The following CACNA1S variants were observed in gnomAD, a reference collection of about 807,000 sequenced individuals.
CACNA1S encodes the protein calcium voltage-gated channel subunit alpha1 S, also known as voltage-dependent L-type calcium channel subunit alpha-1S.
In CACNA1S, 126 loss-of-function variants were observed where a neutral mutation model predicts 207.4. That is an observed-to-expected ratio of 0.61 (90% CI 0.53 to 0.70). CACNA1S has a LOEUF of 0.70. Among genes scored for constraint, CACNA1S ranks in the 30% least tolerant of loss-of-function variants. CACNA1S has a pLI of 0.00. For synonymous variants in CACNA1S, 960 were observed against 932.7 expected, an observed-to-expected ratio of 1.03 and a Z score of -0.53; for missense variants, 2,349 against 2,422.8, an observed-to-expected ratio of 0.97 and a Z score of 0.64.
intron 10 of CACNA1S, among the ~76,000 whole-genome samples, chr1:201,080,748 GT>G (rs1322387371): frequency 5.3e-5 from 8 of 151,394 alleles, no homozygotes; most frequent in Admixed American, 3.9e-4. Context: ...TTTTGTTGTT[GT>G]TTGTTTGTTT....
chr1:201,100,892 T>C (rs1352611497), intron 2 of CACNA1S, among the ~76,000 whole-genome samples: 1 of 152,198 alleles, frequency 6.6e-6, no homozygotes, highest in African/African-American at 2.4e-5. Flanking sequence ...TTTTTATTTG[T>C]ATACATTTTT....
At position 201,053,645 on chromosome 1, in the gene CACNA1S, G is replaced by C; in HGVS notation, c.3667-58C>G. On this transcript the variant is annotated intron_variant, in intron 29 of 43. Coordinates refer to ENST00000362061, the MANE Select transcript of CACNA1S (RefSeq NM_000069.3). This position sits in a 1 kb window ranked among gnomAD's most constrained non-coding sequence, Gnocchi z 5.1. ...GGGCAGAACCTCAGAGGGGTAAGGG[G>C]CAGGGCGGGGAGGGAGGTGCACTGT... 1 of 1,532,668 alleles carries C rather than the reference G, an allele frequency of 6.5e-7. No individual in the cohort carries two copies. The highest frequency in any genetic ancestry group is 9.0e-7 in the Non-Finnish European group (1 of 1,108,062). The allele number at this position is 1,532,668 out of a possible 1,614,324, so 94.9% of individuals were successfully genotyped here.
chr1:201,055,496 G>A (rs1660810856), intron 28 of CACNA1S, among the ~76,000 whole-genome samples: 1 of 152,242 alleles, frequency 6.6e-6, no homozygotes, highest in African/African-American at 2.4e-5. Flanking sequence ...ATGACGACCA[G>A]TGTTCTATAC....
At chr1:201,064,431 T>C (rs751912585) in intron 22 of CACNA1S, among the ~76,000 whole-genome samples, 1 of 152,234 alleles carries the variant, frequency 6.6e-6, no homozygotes, top group Non-Finnish European at 1.5e-5. Context: ...ACGCTGCTGC[T>C]TCTCTCAGAG....
At chr1:201,077,242 C>T in intron 11 of CACNA1S, 115 bp from the exon 12 acceptor site, 1 of 860,826 alleles carries the variant, frequency 1.2e-6, no homozygotes, top group Non-Finnish European at 1.9e-6. Flanking sequence ...AGGGAGGGGG[C>T]TGCCTCACTG....
At chr1:201,099,113 C>T (rs1223954836) in intron 2 of CACNA1S, among the ~76,000 whole-genome samples, 3 of 152,250 alleles carry the variant, frequency 2.0e-5, no homozygotes, top group Non-Finnish European at 4.4e-5. Flanking sequence ...GTCCTGAATA[C>T]TTCTCCTCCC....
intron 6 of CACNA1S, among the ~76,000 whole-genome samples, chr1:201,088,867 T>C (rs1216523487): frequency 1.3e-5 from 2 of 152,118 alleles, no homozygotes; most frequent in African/African-American, 4.8e-5. Context: ...AACTAATATC[T>C]AATAATAGTT....
chr1:201,092,290 T>C (rs1186517487), intron 3 of CACNA1S, among the ~76,000 whole-genome samples, 176 bp from the exon 4 acceptor site: 2 of 152,120 alleles, frequency 1.3e-5, no homozygotes, highest in Non-Finnish European at 2.9e-5. Context: ...CTGGGGAATT[T>C]CACTTAAAAG....
chr1:201,085,551 C>T lies in CACNA1S; in HGVS notation c.1035G>A (p.Lys345=). The change falls in exon 8 of 44, where the codon AAG becomes AAA. Residue 345 remains lysine, a synonymous_variant. Transcript: ENST00000362061. The stretch of plus-strand genomic sequence containing the variant: ...GGAGCTTCTGGAAGGTTCCCCTGGA[C>T]TTGGCCTTCTCCCGCTCCTTGGTGA... The part of the protein sequence containing the change: ...GEFTKEREKA[K]SRGTFQKLRE... 1 of 1,613,696 alleles carries T rather than the reference C, an allele frequency of 6.2e-7. No homozygotes were observed. The highest frequency in any genetic ancestry group is 8.5e-7 in the Non-Finnish European group (1 of 1,179,974).
chr1:201,067,539 A>G (rs1388379004), intron 19 of CACNA1S, among the ~76,000 whole-genome samples: 1 of 152,122 alleles, frequency 6.6e-6, no homozygotes, highest in Non-Finnish European at 1.5e-5. Flanking sequence ...TTAAAATCGA[A>G]CAGGGTTGAA....
At chr1:201,104,472 G>A (rs976372185) in intron 2 of CACNA1S, among the ~76,000 whole-genome samples, 5 of 152,178 alleles carry the variant, frequency 3.3e-5, no homozygotes, top group African/African-American at 7.2e-5. Flanking sequence ...AACCCCAATG[G>A]TTAGAGTTTT....
Position 201,097,535 on chromosome 1 carries a change from C to A in CACNA1S, c.259-3514G>T, listed in dbSNP as rs142173496. 4.6e-5 allele frequency among the ~76,000 whole-genome samples: 7 copies of A among 152,198 alleles called. No homozygotes were observed. In the East Asian group the frequency reaches 5.8e-4, roughly 13 times the overall value. On this transcript the variant is annotated intron_variant, in intron 2 of 43. Coordinates refer to ENST00000362061, the MANE Select transcript of CACNA1S (RefSeq NM_000069.3). Reference sequence around the variant, plus strand: ...TGCCTCTTACAACCCTCTGACCCCCCACAGGGAGCACCAGCTCTGTGTCCT... The same window carrying A: ...TGCCTCTTACAACCCTCTGACCCCCAACAGGGAGCACCAGCTCTGTGTCCT...
chr1:201,095,121 G>GGTATGT (rs1662371322), intron 2 of CACNA1S, among the ~76,000 whole-genome samples: 1 of 148,860 alleles, frequency 6.7e-6, no homozygotes, highest in African/African-American at 2.5e-5. Context: ...AGCTCCAGGA[G>GGTATGT]GTGTGTGTGT....
At chr1:201,098,823 C>T (rs877444) in intron 2 of CACNA1S, among the ~76,000 whole-genome samples, 1 of 152,018 alleles carries the variant, frequency 6.6e-6, no homozygotes, top group African/African-American at 2.4e-5. Flanking sequence ...CCTTACCTCA[C>T]CCCCCAACAA....
Position 201,108,512 on chromosome 1 carries a change from C to A in CACNA1S, c.258+1652G>T, listed in dbSNP as rs113116887. Among the ~76,000 whole-genome samples, 788 of 152,202 alleles carry A rather than the reference C, an allele frequency of 5.2e-3. 3 individuals are homozygous for A. The highest frequency in any genetic ancestry group is 0.018 in the African/African-American group (759 of 41,508). ...ATGAAATCCTGAAGGGTGGGGTAGA[C>A]CTAGAGCTCTCCCTGCATTCAGGGA... is the stretch of plus-strand genomic sequence containing the variant. On this transcript the variant is annotated intron_variant, in intron 2 of 43. Coordinates refer to ENST00000362061, the MANE Select transcript of CACNA1S (RefSeq NM_000069.3).
Position 201,053,950 on chromosome 1 carries a change from C to T in CACNA1S, c.3667-363G>A, listed in dbSNP as rs59340025. Among the ~76,000 whole-genome samples, 9,381 of 152,202 alleles carry T rather than the reference C, an allele frequency of 0.062. 900 individuals are homozygous for T. The highest frequency in any genetic ancestry group is 0.21 in the African/African-American group (8,560 of 41,532). ...CTCAAGCTGCCACTGAGTCGAGGAC[C>T]CTGGTGGCCCTCCTAGGGCTCCTCC... is the stretch of plus-strand genomic sequence containing the variant. On this transcript the variant is annotated intron_variant, in intron 29 of 43. Transcript: ENST00000362061. This position sits in a 1 kb window ranked among gnomAD's most constrained non-coding sequence, Gnocchi z 5.1.
rs1661383640 is a variant in CACNA1S at position 201,069,660 on chromosome 1, A to G, written c.2361-59T>C. On this transcript the variant is annotated intron_variant, in intron 17 of 43. Transcript: ENST00000362061. ...GTGAGCTGCTGGAGGCTCAGGCCTC[A>G]TCAGCCTCCATCCTGCGGACGAACA... is the stretch of plus-strand genomic sequence containing the variant. 3 of 1,542,034 alleles carry G rather than the reference A, an allele frequency of 1.9e-6. No homozygotes were observed. In the South Asian group the frequency reaches 3.6e-5, roughly 19 times the overall value.
chr1:201,111,515 C>G (rs565019869), intron 1 of CACNA1S, among the ~76,000 whole-genome samples: 1 of 152,116 alleles, frequency 6.6e-6, no homozygotes, highest in South Asian at 2.1e-4. Flanking sequence ...TGAGCTAGAA[C>G]AACCAGGCTT....
intron 2 of CACNA1S, among the ~76,000 whole-genome samples, chr1:201,101,210 T>C (rs1432653420): frequency 6.6e-6 from 1 of 152,238 alleles, no homozygotes. Flanking sequence ...CTGCCATGAA[T>C]GAACATGGCT....
Sources: gnomAD v4.1 joint callset for allele counts (sites outside exome capture counted in the v4.1 genomes callset) on GRCh38, gnomAD v4.1.1 for gene constraint, Gnocchi (gnomAD v3.1) non-coding constraint, MANE v1.5 for transcripts, NCBI Gene and HGNC (gene_info 2026-07-23, HGNC 2026-07-21) for gene names.